Variants in RGS8 observed in about 807,000 individuals in gnomAD.
The protein encoded by RGS8 is regulator of G-protein signaling 8.
A neutral mutation model predicts 21.7 loss-of-function variants in RGS8; 8 were observed. That is an observed-to-expected ratio of 0.37 (90% confidence interval 0.22 to 0.66). The LOEUF is 0.66. RGS8 is among the 30% of genes least tolerant of loss of function. The pLI, the probability that RGS8 is intolerant of heterozygous loss-of-function variation, is 0.59. For missense variants in RGS8, 157 were observed against 217.9 expected, an observed-to-expected ratio of 0.72 and a Z score of 1.76; for synonymous variants, 80 against 83.6, an observed-to-expected ratio of 0.96 and a Z score of 0.24.
At chr1:182,683,278 C>T (rs1664596053) in intron 1 of RGS8, among the ~76,000 whole-genome samples, 1 of 152,202 alleles carries the variant, frequency 6.6e-6, no homozygotes, top group Admixed American at 6.5e-5. Flanking sequence ...AAAATAATAA[C>T]AGCCATCATC....
At chr1:182,743,286 G>C in the RGS8 span, among the ~76,000 whole-genome samples, 1 of 152,132 alleles carries the variant, frequency 6.6e-6, no homozygotes, top group African/African-American at 2.4e-5. Flanking sequence ...ACTGACTTAG[G>C]ATTTGAGGAA....
intron 5 of RGS8, among the ~76,000 whole-genome samples, chr1:182,651,192 T>C (rs890996463): frequency 1.1e-4 from 17 of 152,240 alleles, no homozygotes; most frequent in African/African-American, 3.4e-4. Flanking sequence ...AATTCAGCCA[T>C]GTCTTTTAAA....
the RGS8 span, among the ~76,000 whole-genome samples, chr1:182,705,267 T>A: frequency 6.6e-6 from 1 of 151,948 alleles, no homozygotes; most frequent in Non-Finnish European, 1.5e-5. Context: ...GAACAAAGAG[T>A]ACCCATGCCT....
At chr1:182,727,276 GAGCTAATAAT>G in the RGS8 span, among the ~76,000 whole-genome samples, 15 of 152,228 alleles carry the variant, frequency 9.9e-5, no homozygotes, top group Non-Finnish European at 2.1e-4. Flanking sequence ...TCTGTAGAAT[GAGCTAATAAT>G]AGCCAGACCT....
the RGS8 span, among the ~76,000 whole-genome samples, chr1:182,729,881 A>C: frequency 6.6e-6 from 1 of 152,336 alleles, no homozygotes; most frequent in East Asian, 1.9e-4. Flanking sequence ...GAACGAACGG[A>C]GGATCCCACT....
chr1:182,649,006 G>A (rs1279109072), intron 5 of RGS8, among the ~76,000 whole-genome samples: 2 of 151,366 alleles, frequency 1.3e-5, no homozygotes, highest in African/African-American at 2.4e-5. Flanking sequence ...AAGCTGAGGT[G>A]GGAGAATTGC....
At chr1:182,719,740 A>G in the RGS8 span, among the ~76,000 whole-genome samples, 1 of 151,416 alleles carries the variant, frequency 6.6e-6, no homozygotes, top group Non-Finnish European at 1.5e-5. Context: ...TTTTTCATTT[A>G]CATAGACTGG....
chr1:182,720,516 C>T, the RGS8 span, among the ~76,000 whole-genome samples: 10 of 152,132 alleles, frequency 6.6e-5, no homozygotes, highest in Admixed American at 6.5e-4. Context: ...CCACTGGCTA[C>T]CAAATAAATT....
chr1:182,658,541 A>G (rs1571323350), intron 5 of RGS8: 1 of 152,280 alleles, frequency 6.6e-6, no homozygotes, highest in Non-Finnish European at 1.5e-5. Flanking sequence ...TGGAAATTAC[A>G]TTTCTAAAAT....
the RGS8 span, among the ~76,000 whole-genome samples, chr1:182,741,364 A>C: frequency 3.1e-4 from 24 of 76,904 alleles, no homozygotes; most frequent in African/African-American, 8.2e-4. Flanking sequence ...GGGGGGCTGA[A>C]CCCCCCACCT....
downstream of RGS8, chr1:182,643,333 C>CCCCCCCCCCCCCCCG (rs1320966882): frequency 7.9e-6 from 1 of 126,420 alleles, no homozygotes; most frequent in African/African-American, 3.6e-5. Context: ...GCCCCCCCGC[C>CCCCCCCCCCCCCCCG]CCCGCGCTGT....
the RGS8 span, among the ~76,000 whole-genome samples, chr1:182,712,057 C>T: frequency 2.6e-5 from 4 of 152,182 alleles, no homozygotes; most frequent in Non-Finnish European, 5.9e-5. Context: ...TACAATAACC[C>T]TGCAAAGTGA....
chr1:182,689,278 C>G (rs988851086), upstream of RGS8, among the ~76,000 whole-genome samples: 5 of 146,960 alleles, frequency 3.4e-5, no homozygotes, highest in African/African-American at 1.1e-4. Flanking sequence ...CACACACACA[C>G]ACACACACAC....
chr1:182,660,428 T>C (rs1663531371), intron 5 of RGS8, among the ~76,000 whole-genome samples: 1 of 152,118 alleles, frequency 6.6e-6, no homozygotes, highest in Non-Finnish European at 1.5e-5. Context: ...TGGGTCCAAG[T>C]ACAAACTACA....
chr1:182,723,954 C>T, the RGS8 span, among the ~76,000 whole-genome samples: 1 of 151,832 alleles, frequency 6.6e-6, no homozygotes, highest in African/African-American at 2.4e-5. Flanking sequence ...CAGAGCAGCT[C>T]CAAGACTGCC....
chr1:182,701,338 A>G, the RGS8 span, among the ~76,000 whole-genome samples: 2 of 152,230 alleles, frequency 1.3e-5, no homozygotes, highest in Non-Finnish European at 2.9e-5. Flanking sequence ...CAGTTCTTCA[A>G]TATTGTTATC....
the RGS8 span, among the ~76,000 whole-genome samples, chr1:182,699,732 C>A: frequency 6.6e-6 from 1 of 152,148 alleles, no homozygotes; most frequent in Non-Finnish European, 1.5e-5. Context: ...AGGCAAAATC[C>A]CCTGAGAGGC....
At chr1:182,716,219 G>A in the RGS8 span, among the ~76,000 whole-genome samples, 6 of 150,736 alleles carry the variant, frequency 4.0e-5, no homozygotes, top group South Asian at 4.2e-4. Context: ...TCCACCTCCC[G>A]GGTTCAAGCA....
the RGS8 span, among the ~76,000 whole-genome samples, chr1:182,726,243 T>A: frequency 6.6e-6 from 1 of 152,142 alleles, no homozygotes; most frequent in South Asian, 2.1e-4. Flanking sequence ...AAAACTGCTT[T>A]GATATTTACT....
Sources: gnomAD v4.1 joint callset for allele counts (sites outside exome capture counted in the v4.1 genomes callset) on GRCh38, gnomAD v4.1.1 for gene constraint, MANE v1.5 for transcripts, NCBI Gene and HGNC (gene_info 2026-07-23, HGNC 2026-07-21) for gene names.